The following COQ8A variants were observed in gnomAD, a reference collection of about 807,000 sequenced individuals.
COQ8A encodes atypical kinase COQ8A, mitochondrial.
Under a neutral mutation model 65.0 loss-of-function variants are expected in COQ8A, and 51 were observed. The observed-to-expected ratio is 0.78, with a 90% confidence interval of 0.63 to 0.99. The LOEUF (loss-of-function observed/expected upper bound fraction) is 0.99. Ranked by LOEUF, COQ8A falls within the 50% of genes least tolerant of loss-of-function variation. COQ8A has a pLI of 0.00. For missense variants in COQ8A, 940 were observed against 875.0 expected (o/e 1.07, Z -0.94); for synonymous variants, 371 against 353.2 (o/e 1.05, Z -0.57).
At chr1:226,963,735 G>A (rs1346007704) in intron 2 of COQ8A, among the ~76,000 whole-genome samples, 1 of 152,230 alleles carries the variant, frequency 6.6e-6, no homozygotes, top group Non-Finnish European at 1.5e-5. Context: ...CTCCTGAGTA[G>A]CTGGGATTAC....
intron 5 of COQ8A, among the ~76,000 whole-genome samples, chr1:226,979,532 G>A (rs1354387898): frequency 2.0e-5 from 3 of 152,164 alleles, no homozygotes; most frequent in Admixed American, 1.3e-4. Context: ...GCCCATTCAG[G>A]GAATGTCAGC....
chr1:226,958,113 C>T (rs931138269), intron 1 of COQ8A: 1 of 152,192 alleles, frequency 6.6e-6, no homozygotes, highest in Admixed American at 6.5e-5. Context: ...CCAGCATCAA[C>T]TCCATTAATA....
Position 226,982,902 on chromosome 1 carries a change from C to G in COQ8A, c.948C>G (p.Leu316=), listed in dbSNP as rs55637780. The change falls in exon 8 of 15, where the codon CTC becomes CTG. Residue 316 remains leucine, a synonymous_variant. Coordinates refer to ENST00000366777, the MANE Select transcript of COQ8A (RefSeq NM_020247.5). ...FMPLKQMMKT[L]NNDLGPNWRD... is the part of the protein sequence containing the mutation. ...CTGGCCCTGCCCTTCAGAAAACTCT[C>G]AACAACGACCTGGGCCCCAACTGGC... The G allele has an allele frequency of 1.2e-6, 2 of 1,612,794 alleles. No homozygotes were observed. Among genetic ancestry groups the G allele is most frequent in the East Asian group, 4.5e-5 (2 of 44,838 alleles).
Position 226,984,156 on chromosome 1 carries a change from C to G in COQ8A, c.1319C>G (p.Pro440Arg). The change falls in exon 11 of 15, where the codon CCA (proline) becomes CGA (arginine). Residue 440 changes from proline (P) to arginine (R), a missense_variant. Physicochemically the swap from Pro to Arg is moderately radical, Grantham distance 103 (BLOSUM62 -2). Transcript: ENST00000366777. The stretch of plus-strand genomic sequence containing the variant: ...GAGATTGTGGATGAGCTCTGCAGCC[C>G]ACATGTGCTGACCACAGAGCTGGTG... ...VPEIVDELCS[P>R]HVLTTELVSG... is the part of the protein sequence containing the mutation. 1 of 1,613,890 alleles carries G rather than the reference C, an allele frequency of 6.2e-7. No individual in the cohort carries two copies. Among genetic ancestry groups the G allele is most frequent in the Non-Finnish European group, 8.5e-7 (1 of 1,180,002 alleles).
rs367598725 is a variant in COQ8A at position 226,965,630 on chromosome 1, C to T, written c.589-41C>T. On this transcript the variant is annotated intron_variant, in intron 3 of 14. Transcript: ENST00000366777. ...GAGCCTCTGAAGGTTGGTCCTGTCC[C>T]CTTGGCTGATTCCACAGGTCTCTTT... The T allele has an allele frequency of 9.9e-6, 16 of 1,611,312 alleles. No homozygotes were observed. The East Asian group carries it at 1.6e-4, about 16-fold the overall frequency.
Position 226,984,176 on chromosome 1 carries a change from C to G in COQ8A, c.1339C>G (p.Leu447Val), listed in dbSNP as rs866648731. 6.2e-7 allele frequency: 1 copy of G among 1,613,878 alleles called. No individual in the cohort carries two copies. Among genetic ancestry groups the G allele is most frequent in the African/African-American group, 1.3e-5 (1 of 75,054 alleles). The change falls in exon 11 of 15, where the codon CTG (leucine) becomes GTG (valine). Residue 447 changes from leucine (L) to valine (V), a missense_variant. Coordinates refer to ENST00000366777, the MANE Select transcript of COQ8A (RefSeq NM_020247.5). ...CAGCCCACATGTGCTGACCACAGAG[C>G]TGGTGTCTGGCTTCCCCCTGGACCA... Reference protein sequence around the residue: ...LCSPHVLTTELVSGFPLDQAE... With the variant: ...LCSPHVLTTEVVSGFPLDQAE...
intron 6 of COQ8A, 105 bp from the exon 7 acceptor site, chr1:226,982,573 T>TG: frequency 8.2e-7 from 1 of 1,212,156 alleles, no homozygotes. Flanking sequence ...GTGCTCCTGG[T>TG]GGGGAGGGTG....
chr1:226,983,881 G>A (rs750675370), intron 10 of COQ8A, 27 bp downstream of exon 10: 35 of 1,580,498 alleles, frequency 2.2e-5, no homozygotes, highest in African/African-American at 1.1e-4. Context: ...GGCCCCTTGC[G>A]TGTTTGCACC....
Position 226,978,800 on chromosome 1 carries a change from C to G in COQ8A, c.730+1277C>G, listed in dbSNP as rs186878472. Among the ~76,000 whole-genome samples, 92 of 109,988 alleles carry G rather than the reference C, an allele frequency of 8.4e-4. 14 individuals are homozygous for G. Among genetic ancestry groups the G allele is most frequent in the African/African-American group, 2.4e-3 (86 of 35,328 alleles). 72.2% of individuals were successfully genotyped at this position (109,988 alleles called of 152,430 possible). A position where few individuals can be genotyped will look rare whatever the true frequency, so the allele number is the denominator to read the frequency against. ...CGTACACACCCACCTCTCACCCGCACAGCTCCTTACACACCCTCCATGCAC... is the reference window on the plus strand; with the variant it reads ...CGTACACACCCACCTCTCACCCGCAGAGCTCCTTACACACCCTCCATGCAC... On this transcript the variant is annotated intron_variant, in intron 5 of 14. Transcript: ENST00000366777.
chr1:226,973,615 G>A (rs2148086794), intron 4 of COQ8A, among the ~76,000 whole-genome samples: 1 of 152,338 alleles, frequency 6.6e-6, no homozygotes, highest in Non-Finnish European at 1.5e-5. Context: ...TCGCCTTCCC[G>A]TGCCCCTTCC....
chr1:226,955,174 T>C (rs982853369), intron 1 of COQ8A, among the ~76,000 whole-genome samples: 2 of 152,028 alleles, frequency 1.3e-5, no homozygotes, highest in African/African-American at 2.4e-5. Context: ...GCCACATTCC[T>C]CAGGGTGGGA....
In COQ8A at chr1:226,949,407, A is replaced by G. The variant is rs1389200207; in HGVS notation, c.-10+9008A>G. On this transcript the variant is annotated intron_variant, in intron 1 of 14. Transcript: ENST00000366777. The surrounding 1 kb of genome is among the most constrained non-coding windows in gnomAD (Gnocchi z 4.0). ...CGGAGCTGGGGAGCTTGTGGGAGTT[A>G]GAGGGGTTTTCTTCCCAACTGCCTC... Among the ~76,000 whole-genome samples, 2 of 151,958 alleles carry G rather than the reference A, an allele frequency of 1.3e-5. No homozygotes were observed. The highest frequency in any genetic ancestry group is 2.9e-5 in the Non-Finnish European group (2 of 67,984).
At position 226,957,869 on chromosome 1, in the gene COQ8A, G is replaced by A. The variant is rs566884727; in HGVS notation, c.-9-3508G>A. Among the ~76,000 whole-genome samples the A allele has an allele frequency of 3.9e-5, 6 of 152,248 alleles. No individual in the cohort carries two copies. The South Asian group carries it at 1.2e-3, about 32-fold the overall frequency. On this transcript the variant is annotated intron_variant, in intron 1 of 14. Transcript: ENST00000366777. ...TGCAGGTCAGGATCCCCGAGTCGGA[G>A]CCTTGTCTCCAGCATGAGTGAGACG...
At chr1:226,970,675 A>G (rs1310101899) in intron 4 of COQ8A, among the ~76,000 whole-genome samples, 1 of 152,166 alleles carries the variant, frequency 6.6e-6, no homozygotes, top group Non-Finnish European at 1.5e-5. Flanking sequence ...ATATAAAAAT[A>G]AGTGATTATT....
chr1:226,980,109 G>A (rs1037769143), intron 5 of COQ8A, among the ~76,000 whole-genome samples: 6 of 152,214 alleles, frequency 3.9e-5, no homozygotes, highest in Non-Finnish European at 8.8e-5. Flanking sequence ...GCCCCAAACT[G>A]TGCTCCAGCT....
In COQ8A at chr1:226,982,521, G is replaced by A. The variant is rs561439057; in HGVS notation, c.854-157G>A. On this transcript the variant is annotated intron_variant, in intron 6 of 14. Coordinates refer to ENST00000366777, the MANE Select transcript of COQ8A (RefSeq NM_020247.5). ...GGGGCTCCCGGGAAGCTGAGTGGCC[G>A]AGGGCGTGTGTGCGAGGGCTCCTGT... 5.3e-5 allele frequency: 44 copies of A among 829,476 alleles called. No individual in the cohort carries two copies. The East Asian group carries it at 8.7e-4, about 16-fold the overall frequency. The allele number at this position is 829,476 out of a possible 1,614,324, so 51.4% of individuals were successfully genotyped here. A position where few individuals can be genotyped will look rare whatever the true frequency, so the allele number is the denominator to read the frequency against.
chr1:226,984,413 C>G (rs1434173015), intron 11 of COQ8A, 135 bp from the exon 12 acceptor site: 1 of 1,272,856 alleles, frequency 7.9e-7, no homozygotes, highest in African/African-American at 1.5e-5. Flanking sequence ...TTCCCTGGCC[C>G]AAGTAACACT....
intron 9 of COQ8A, 23 bp from the exon 10 acceptor site, chr1:226,983,738 T>C (rs1278685864): frequency 1.9e-6 from 3 of 1,613,094 alleles, no homozygotes; most frequent in East Asian, 4.5e-5. Context: ...CCTTCCTCGC[T>C]GATGCCCTCC....
chr1:226,983,545 C>T lies in COQ8A; in HGVS notation c.1081-7C>T, dbSNP rs1381092328. 2 of 1,613,660 alleles carry T rather than the reference C, an allele frequency of 1.2e-6. No individual in the cohort carries two copies. Among genetic ancestry groups the T allele is most frequent in the Admixed American group, 1.7e-5 (1 of 60,034 alleles). ...CTAACTCCCCTGCCTCACCCATACC[C>T]CCACAGTACCCTGGCGTGGCCCAGA... On this transcript the variant is annotated splice_region_variant and splice_polypyrimidine_tract_variant and intron_variant, in intron 8 of 14. Coordinates refer to ENST00000366777, the MANE Select transcript of COQ8A (RefSeq NM_020247.5).
Sources: allele counts gnomAD v4.1 joint callset (sites outside exome capture counted in the v4.1 genomes callset), GRCh38; gene constraint gnomAD v4.1.1; non-coding constraint Gnocchi (gnomAD v3.1); transcripts MANE v1.5; gene names NCBI Gene and HGNC (gene_info 2026-07-23, HGNC 2026-07-21).